Variants in NFIB observed in about 807,000 individuals in gnomAD.
The protein encoded by NFIB is nuclear factor I B, also known as nuclear factor 1 B-type.
NFIB carries 11 observed loss-of-function variants against 61.5 expected under a neutral mutation model. The ratio of observed to expected loss-of-function variants is 0.18; its 90% CI spans 0.11 to 0.30. The LOEUF is 0.30. Among genes scored for constraint, NFIB ranks in the 10% least tolerant of loss-of-function variants. The probability of loss-of-function intolerance (pLI) is 1.00; values close to 1 mark genes in which losing one functional copy is unlikely to be tolerated. For synonymous variants in NFIB, 260 were observed against 216.5 expected, an observed-to-expected ratio of 1.20 and a Z score of -1.76; for missense variants, 471 against 608.9, an observed-to-expected ratio of 0.77 and a Z score of 2.38.
intron 10 of NFIB, 94 bp from the exon 11 acceptor site, chr9:14,088,420 G>A (rs2033222554): frequency 2.4e-6 from 3 of 1,255,194 alleles, no homozygotes; most frequent in Non-Finnish European, 3.1e-6. Flanking sequence ...AATTCCAGAT[G>A]CATCAAATTA....
At chr9:14,201,820 T>G (rs1379018268) in intron 2 of NFIB, among the ~76,000 whole-genome samples, 1 of 152,116 alleles carries the variant, frequency 6.6e-6, no homozygotes, top group Non-Finnish European at 1.5e-5. Context: ...AAAGTCATAA[T>G]GAGCTATCAA....
intron 2 of NFIB, among the ~76,000 whole-genome samples, chr9:14,285,210 C>T (rs1342517613): frequency 1.3e-5 from 2 of 152,182 alleles, no homozygotes; most frequent in African/African-American, 4.8e-5. Context: ...GCAACCTCCA[C>T]CTCCCAGGTT....
At chr9:14,493,380 C>T in the NFIB span, among the ~76,000 whole-genome samples, 8 of 151,486 alleles carry the variant, frequency 5.3e-5, no homozygotes, top group Non-Finnish European at 1.0e-4. Flanking sequence ...TTTTTGCATG[C>T]TAAATGTAAT....
At chr9:14,449,490 T>G in the NFIB span, among the ~76,000 whole-genome samples, 2 of 152,194 alleles carry the variant, frequency 1.3e-5, no homozygotes, top group Non-Finnish European at 2.9e-5. Flanking sequence ...CAGTCGGAAA[T>G]ATTCAAATGA....
chr9:14,385,380 GTTA>G (rs2061537835), intron 1 of NFIB, among the ~76,000 whole-genome samples: 1 of 152,182 alleles, frequency 6.6e-6, no homozygotes, highest in Admixed American at 6.5e-5. Flanking sequence ...TTTGTGGCCA[GTTA>G]TTATAGATGA....
chr9:14,255,437 T>C (rs1823654777), intron 2 of NFIB, among the ~76,000 whole-genome samples: 1 of 152,196 alleles, frequency 6.6e-6, no homozygotes, highest in Non-Finnish European at 1.5e-5. Context: ...TGACTTTACC[T>C]TGTTTTACAA....
chr9:14,504,231 C>T, the NFIB span, among the ~76,000 whole-genome samples: 3 of 152,128 alleles, frequency 2.0e-5, no homozygotes, highest in African/African-American at 7.2e-5. Flanking sequence ...TGACTATGGC[C>T]TTATAGTATA....
At chr9:14,442,793 T>A in the NFIB span, among the ~76,000 whole-genome samples, 1 of 152,174 alleles carries the variant, frequency 6.6e-6, no homozygotes, top group African/African-American at 2.4e-5. Context: ...AAGTCCAACA[T>A]ACCTTTTTGA....
At chr9:14,417,634 TA>T in the NFIB span, among the ~76,000 whole-genome samples, 2 of 152,192 alleles carry the variant, frequency 1.3e-5, no homozygotes, top group Non-Finnish European at 2.9e-5. Context: ...TGTTGATGAC[TA>T]ACCAGATAGA....
chr9:14,474,034 C>T, the NFIB span, among the ~76,000 whole-genome samples: 1 of 152,146 alleles, frequency 6.6e-6, no homozygotes, highest in Non-Finnish European at 1.5e-5. Flanking sequence ...ATATCAACTC[C>T]ATACTACAAG....
Position 14,313,957 on chromosome 9 carries a change from C to CGCGGGAGGGCGCAGGAGGGCGA in NFIB, c.-468_-447dup. ...TTTTCAAAAAAGGCGGGGAGGGGGG[C>CGCGGGAGGGCGCAGGAGGGCGA]GCGGGAGGGCGCAGGAGGGCGAGCG... On this transcript the variant is annotated 5_prime_UTR_variant, in exon 1 of 11. Coordinates refer to ENST00000380953, the MANE Select transcript of NFIB (RefSeq NM_001190737.2). The surrounding 1 kb of genome is among the most constrained non-coding windows in gnomAD (Gnocchi z 4.5). 1.3e-6 allele frequency: 1 copy of CGCGGGAGGGCGCAGGAGGGCGA among 788,608 alleles called. No individual in the cohort carries two copies. The highest frequency in any genetic ancestry group is 1.4e-6 in the Non-Finnish European group (1 of 709,752). The allele number at this position is 788,608 out of a possible 1,614,324, so 48.9% of individuals were successfully genotyped here.
At chr9:14,179,989 C>T (rs1187551098) in intron 2 of NFIB, among the ~76,000 whole-genome samples, 1 of 152,060 alleles carries the variant, frequency 6.6e-6, no homozygotes, top group Non-Finnish European at 1.5e-5. Context: ...AAGAAAAACA[C>T]AAGTATTGAT....
chr9:14,127,209 T>G (rs1278198956), intron 6 of NFIB, among the ~76,000 whole-genome samples: 1 of 152,226 alleles, frequency 6.6e-6, no homozygotes, highest in African/African-American at 2.4e-5. Context: ...GACTATACCA[T>G]GCAGTTTGTT....
chr9:14,465,929 T>C, the NFIB span, among the ~76,000 whole-genome samples: 1 of 152,152 alleles, frequency 6.6e-6, no homozygotes, highest in African/African-American at 2.4e-5. Flanking sequence ...AAATGTCCCC[T>C]AGGGGACAAG....
intron 1 of NFIB, among the ~76,000 whole-genome samples, chr9:14,328,638 A>T (rs2060784197): frequency 6.6e-6 from 1 of 152,046 alleles, no homozygotes; most frequent in African/African-American, 2.4e-5. Flanking sequence ...TAATATATAT[A>T]TATATGATTG....
chr9:14,250,030 G>C (rs907625004), intron 2 of NFIB, among the ~76,000 whole-genome samples: 7 of 152,094 alleles, frequency 4.6e-5, no homozygotes, highest in African/African-American at 1.7e-4. Flanking sequence ...AAAACCCCTC[G>C]AGTCTCTTTC....
chr9:14,170,555 ATTGT>A (rs1287442579), intron 3 of NFIB, among the ~76,000 whole-genome samples: 5 of 152,222 alleles, frequency 3.3e-5, no homozygotes, highest in African/African-American at 1.2e-4. Flanking sequence ...AGGTGGGAAG[ATTGT>A]TTGAACCCAG....
the NFIB span, among the ~76,000 whole-genome samples, chr9:14,478,196 T>G: frequency 6.6e-6 from 1 of 152,194 alleles, no homozygotes; most frequent in Non-Finnish European, 1.5e-5. Context: ...TGAGGATTAT[T>G]GGCCAGACTT....
the NFIB span, among the ~76,000 whole-genome samples, chr9:14,494,765 C>G: frequency 6.6e-6 from 1 of 152,164 alleles, no homozygotes; most frequent in African/African-American, 2.4e-5. Context: ...AGGCACTCCC[C>G]TTGCTTCTCC....
Sources: allele counts gnomAD v4.1 joint callset (sites outside exome capture counted in the v4.1 genomes callset), GRCh38; gene constraint gnomAD v4.1.1; non-coding constraint Gnocchi (gnomAD v3.1); transcripts MANE v1.5; gene names NCBI Gene and HGNC (gene_info 2026-07-23, HGNC 2026-07-21).